Variants in ASB14 observed in about 807,000 individuals in gnomAD.
ASB14 encodes the protein ankyrin repeat and SOCS box containing 14, also known as ankyrin repeat and SOCS box protein 14.
A neutral mutation model predicts 55.6 loss-of-function variants in ASB14; 63 were observed. That is an observed-to-expected ratio of 1.13 (90% CI 0.92 to 1.40). ASB14 has a LOEUF of 1.40. Among genes scored for constraint, ASB14 ranks in the 40% most tolerant of loss-of-function variants. The pLI is 0.00. For synonymous variants in ASB14, 256 were observed against 259.9 expected (o/e 0.98, Z 0.15); for missense variants, 724 against 710.4 (o/e 1.02, Z -0.22).
At chr3:57,283,160 T>G in intron 6 of ASB14, 34 bp downstream of exon 6, 2 of 1,550,354 alleles carry the variant, frequency 1.3e-6, no homozygotes, top group Non-Finnish European at 1.7e-6. Context: ...CATGTTACCC[T>G]TTGTTAGTGT....
intron 3 of ASB14, among the ~76,000 whole-genome samples, chr3:57,288,699 A>G (rs942994545): frequency 7.4e-6 from 1 of 135,840 alleles, no homozygotes; most frequent in Non-Finnish European, 1.5e-5. Context: ...CATCACCATC[A>G]TATCTTTCCT....
rs71916317 is a variant in ASB14 at position 57,276,209 on chromosome 3, G to GT, written c.*22+318dup. On this transcript the variant is annotated intron_variant, in intron 10 of 10. Coordinates refer to ENST00000487349, the MANE Select transcript of ASB14 (RefSeq NM_001142733.3). ...GTTAATTGAAATTTTTACTATTTGGGTTTTTTTTTTTTTAACTGCCTAGAG... is the reference window on the plus strand; with the variant it reads ...GTTAATTGAAATTTTTACTATTTGGGTTTTTTTTTTTTTTAACTGCCTAGAG... 5.1e-3 allele frequency among the ~76,000 whole-genome samples: 728 copies of GT among 143,430 alleles called. 3 individuals carry two copies. The highest frequency in any genetic ancestry group is 5.1e-3 in the African/African-American group (202 of 39,616). The allele number at this position is 143,430 out of a possible 152,430, so 94.1% of individuals were successfully genotyped here.
chr3:57,292,219 A>C (rs2061138514), intron 1 of ASB14, 115 bp from the exon 2 acceptor site: 1 of 766,568 alleles, frequency 1.3e-6, no homozygotes, highest in African/African-American at 1.8e-5. Context: ...ATAAACTTAA[A>C]AAAGTTTTGT....
At chr3:57,286,954 C>T (rs1375921153) in intron 5 of ASB14, among the ~76,000 whole-genome samples, 1 of 152,106 alleles carries the variant, frequency 6.6e-6, no homozygotes, top group African/African-American at 2.4e-5. Context: ...CATCTTCCAG[C>T]ATTGTTTTGG....
chr3:57,271,218 T>C (rs2060936798), intron 10 of ASB14: 1 of 145,080 alleles, frequency 6.9e-6, no homozygotes, highest in African/African-American at 2.6e-5. Context: ...ATAACTCAGC[T>C]GTTTCACACT....
In ASB14 at chr3:57,278,940, T is replaced by A; in HGVS notation, c.888-20A>T. On this transcript the variant is annotated intron_variant, in intron 7 of 10. Coordinates refer to ENST00000487349, the MANE Select transcript of ASB14 (RefSeq NM_001142733.3). ...AGAGCTCTGAGAAAGAATTTCAAAA[T>A]GCATTTCAACATTGTTTTTAAGATG... 1 of 1,602,926 alleles carries A rather than the reference T, an allele frequency of 6.2e-7. No homozygotes were observed. Among genetic ancestry groups the A allele is most frequent in the Non-Finnish European group, 8.5e-7 (1 of 1,172,376 alleles).
At chr3:57,290,558 G>A (rs1001482485) in intron 2 of ASB14, among the ~76,000 whole-genome samples, 11 of 152,118 alleles carry the variant, frequency 7.2e-5, no homozygotes, top group Non-Finnish European at 1.5e-4. Flanking sequence ...CTTTGGATGG[G>A]ACCATTACTC....
At chr3:57,273,952 G>T (rs1263654484) in intron 10 of ASB14, among the ~76,000 whole-genome samples, 30 of 152,096 alleles carry the variant, frequency 2.0e-4, no homozygotes, top group African/African-American at 7.2e-4. Flanking sequence ...ATTAACTTTA[G>T]AATTATATAA....
At chr3:57,278,286 C>G in intron 8 of ASB14, 91 bp downstream of exon 8, 1 of 1,006,504 alleles carries the variant, frequency 9.9e-7, no homozygotes, top group Non-Finnish European at 1.5e-6. Flanking sequence ...AACCAAGCCT[C>G]TGGAGAGAGT....
chr3:57,285,036 G>A (rs1308785639), intron 5 of ASB14, among the ~76,000 whole-genome samples: 1 of 149,918 alleles, frequency 6.7e-6, no homozygotes, highest in African/African-American at 2.5e-5. Flanking sequence ...TCTCTCCCTG[G>A]TTCAAGCGAT....
intron 10 of ASB14, chr3:57,272,458 A>AGAT (rs1451443207): frequency 2.6e-5 from 4 of 152,282 alleles, no homozygotes; most frequent in African/African-American, 9.6e-5. Flanking sequence ...ATCCTAGGGA[A>AGAT]GATAAAATCG....
intron 10 of ASB14, 87 bp from the exon 11 acceptor site, chr3:57,269,705 A>AT (rs1559516850): frequency 6.2e-7 from 1 of 1,612,354 alleles, no homozygotes; most frequent in South Asian, 1.1e-5. Flanking sequence ...CTTTTGGTAG[A>AT]TATTCCCCCT....
rs576714442 is a variant in ASB14, at chr3:57,291,952, A to G, written c.82T>C (p.Tyr28His). ...LIIQQSLQDIYKPGTAQHAPK... is the reference protein window; with the variant it reads ...LIIQQSLQDIHKPGTAQHAPK... The stretch of plus-strand genomic sequence containing the variant: ...GCATGTTGTGCTGTTCCTGGCTTAT[A>G]AATATCCTGCAAACTCTGTTGAATG... The change falls in exon 2 of 11, where the codon TAT (tyrosine) becomes CAT (histidine). Residue 28 changes from tyrosine (Y) to histidine (H), a missense_variant. Tyr to His is a moderately conservative substitution (Grantham distance 83, BLOSUM62 2). Coordinates refer to ENST00000487349, the MANE Select transcript of ASB14 (RefSeq NM_001142733.3). 5.9e-5 allele frequency: 91 copies of G among 1,536,722 alleles called. No individual in the cohort carries two copies. The highest frequency in any genetic ancestry group is 7.7e-5 in the Non-Finnish European group (88 of 1,146,246).
Position 57,269,446 on chromosome 3 carries a change from C to CA in ASB14, c.*194dup, listed in dbSNP as rs2060919322. ...CAGAAGTATGCATACATATTTATGACAGAAGAAGTGGCTCTCAAGAATGTA... is the reference window on the plus strand; with the variant it reads ...CAGAAGTATGCATACATATTTATGACAAGAAGAAGTGGCTCTCAAGAATGTA... On this transcript the variant is annotated 3_prime_UTR_variant, in exon 11 of 11. Transcript: ENST00000487349. 8.9e-7 allele frequency: 1 copy of CA among 1,127,994 alleles called. No homozygotes were observed. The highest frequency in any genetic ancestry group is 2.4e-5 in the African/African-American group (1 of 42,516). The allele number at this position is 1,127,994 out of a possible 1,614,324, so 69.9% of individuals were successfully genotyped here. A position where few individuals can be genotyped will look rare whatever the true frequency, so the allele number is the denominator to read the frequency against.
chr3:57,288,203 T>A lies in ASB14; in HGVS notation c.262A>T (p.Lys88Ter). Reference sequence around the variant, plus strand: ...TTCCTATTTAATTGCACTGCAGCCTTATGCAGAGGAATCCAGCCTATCTCA... The same window carrying A: ...TTCCTATTTAATTGCACTGCAGCCTAATGCAGAGGAATCCAGCCTATCTCA... ...ADEIGWIPLH[K>*]AAVQLNRKIL... The change falls in exon 4 of 11, where the codon AAG (lysine) becomes TAG (stop). Residue 88 changes from lysine (K) to a stop codon, truncating the protein, a stop_gained. Coordinates refer to ENST00000487349, the MANE Select transcript of ASB14 (RefSeq NM_001142733.3). LOFTEE classifies it high-confidence loss of function. 1 of 1,536,926 alleles carries A rather than the reference T, an allele frequency of 6.5e-7. No homozygotes were observed.
chr3:57,279,044 C>CAAAAAAA, intron 7 of ASB14, 124 bp from the exon 8 acceptor site: 2 of 723,336 alleles, frequency 2.8e-6, no homozygotes, highest in Non-Finnish European at 4.1e-6. Context: ...AACCCACAAC[C>CAAAAAAA]AAAAAAAAAA....
At chr3:57,284,088 C>CTGTG (rs1181255575) in intron 5 of ASB14, among the ~76,000 whole-genome samples, 90 of 41,388 alleles carry the variant, frequency 2.2e-3, no homozygotes, top group African/African-American at 4.6e-3. Context: ...CTTGGGAACA[C>CTGTG]TGTGTATGTG....
In ASB14 at chr3:57,289,119, G is replaced by A; in HGVS notation, c.127C>T (p.His43Tyr). 1 of 1,526,016 alleles carries A rather than the reference G, an allele frequency of 6.6e-7. No homozygotes were observed. Among genetic ancestry groups the A allele is most frequent in the East Asian group, 2.5e-5 (1 of 40,804 alleles). 94.5% of individuals were successfully genotyped at this position (1,526,016 alleles called of 1,614,324 possible). The part of the protein sequence containing the change: ...AQHAPKDESL[H>Y]SFLSADYKKI... ...TTATAGTCAGCGCTCAAAAAGGAAT[G>A]CAAACTGCAAAGAAAAAAATACATA... The change falls in exon 3 of 11, where the codon CAT becomes TAT. Residue 43 changes from histidine (H) to tyrosine (Y), a missense_variant. Coordinates refer to ENST00000487349, the MANE Select transcript of ASB14 (RefSeq NM_001142733.3).
At chr3:57,276,827 G>T (rs995547186) in intron 9 of ASB14, 99 bp from the exon 10 acceptor site, 3 of 1,134,736 alleles carry the variant, frequency 2.6e-6, no homozygotes, top group Non-Finnish European at 3.7e-6. Context: ...TTCATTTGCT[G>T]TTACTAAATG....
Sources: allele counts gnomAD v4.1 joint callset (sites outside exome capture counted in the v4.1 genomes callset), GRCh38; gene constraint gnomAD v4.1.1; transcripts MANE v1.5; gene names NCBI Gene and HGNC (gene_info 2026-07-23, HGNC 2026-07-21).